The following DPYD variants were observed in gnomAD, a reference collection of about 807,000 sequenced individuals.
The protein encoded by DPYD is dihydropyrimidine dehydrogenase [NADP(+)].
DPYD carries 109 observed loss-of-function variants against 116.2 expected under a neutral mutation model. That is an observed-to-expected ratio of 0.94 (90% CI 0.80 to 1.10). The LOEUF is 1.10. Ranked by LOEUF, DPYD falls within the 50% of genes least tolerant of loss-of-function variation. DPYD has a pLI of 0.00. For synonymous variants in DPYD, 440 were observed against 432.0 expected, an observed-to-expected ratio of 1.02 and a Z score of -0.23; for missense variants, 1,302 against 1,254.5, an observed-to-expected ratio of 1.04 and a Z score of -0.57.
chr1:97,814,921 A>AAAAGAG (rs1557982371), intron 3 of DPYD, among the ~76,000 whole-genome samples: 4 of 19,704 alleles, frequency 2.0e-4, no homozygotes, highest in African/African-American at 3.7e-4. Flanking sequence ...AAAAAAAAAA[A>AAAAGAG]GAAAGAGAGA....
chr1:97,106,511 C>T (rs1651156255), intron 20 of DPYD, among the ~76,000 whole-genome samples: 1 of 152,148 alleles, frequency 6.6e-6, no homozygotes, highest in Non-Finnish European at 1.5e-5. Flanking sequence ...GGAGTGAGAG[C>T]TAGGACATCC....
At chr1:97,788,159 C>A (rs527883889) in intron 3 of DPYD, among the ~76,000 whole-genome samples, 2 of 152,248 alleles carry the variant, frequency 1.3e-5, no homozygotes, top group South Asian at 4.1e-4. Context: ...AGAAACAAAG[C>A]TACAGAGGAG....
chr1:97,793,468 G>C (rs1333750430), intron 3 of DPYD, among the ~76,000 whole-genome samples: 1 of 152,102 alleles, frequency 6.6e-6, no homozygotes, highest in East Asian at 1.9e-4. Flanking sequence ...AAGACTAACT[G>C]TGAAGACAAT....
intron 18 of DPYD, among the ~76,000 whole-genome samples, chr1:97,236,542 T>C (rs1466999545): frequency 6.6e-6 from 1 of 151,946 alleles, no homozygotes; most frequent in African/African-American, 2.4e-5. Flanking sequence ...AAAATATCAG[T>C]GGTAGTAAGG....
At chr1:97,142,986 A>G (rs1309631767) in intron 20 of DPYD, among the ~76,000 whole-genome samples, 2 of 152,104 alleles carry the variant, frequency 1.3e-5, no homozygotes, top group African/African-American at 4.8e-5. Context: ...AGAAAAAGAA[A>G]GAAAAATTAC....
intron 4 of DPYD, among the ~76,000 whole-genome samples, chr1:97,727,554 G>C (rs1468844024): frequency 1.3e-5 from 2 of 151,686 alleles, no homozygotes; most frequent in Non-Finnish European, 3.0e-5. Context: ...GCCCAAGAGA[G>C]GTTACACAAT....
chr1:97,802,800 A>T (rs1254615012), intron 3 of DPYD, among the ~76,000 whole-genome samples: 1 of 151,852 alleles, frequency 6.6e-6, no homozygotes, highest in East Asian at 1.9e-4. Context: ...ATAGTCCAAG[A>T]TGTTGTCCTG....
chr1:97,566,527 T>C (rs1404127389), intron 11 of DPYD, among the ~76,000 whole-genome samples: 1 of 152,166 alleles, frequency 6.6e-6, no homozygotes, highest in Non-Finnish European at 1.5e-5. Context: ...AGTCCCTTCC[T>C]CTAATGTTTT....
intron 3 of DPYD, among the ~76,000 whole-genome samples, chr1:97,744,702 C>A (rs1034770266): frequency 2.6e-5 from 4 of 151,936 alleles, no homozygotes; most frequent in Non-Finnish European, 5.9e-5. Flanking sequence ...GAAAGTCTAC[C>A]TAATTTACAT....
At chr1:97,411,941 C>T (rs2101669352) in intron 14 of DPYD, among the ~76,000 whole-genome samples, 1 of 152,138 alleles carries the variant, frequency 6.6e-6, no homozygotes, top group South Asian at 2.1e-4. Flanking sequence ...TAAGGATATT[C>T]AAAAGGCAAT....
At chr1:97,634,162 T>C (rs114479539) in intron 8 of DPYD, among the ~76,000 whole-genome samples, 2,001 of 152,054 alleles carry the variant, frequency 0.013, 21 homozygotes, top group Middle Eastern at 0.024. Flanking sequence ...AACCACTAAA[T>C]AGGAAGGACA....
At chr1:97,173,312 G>GCACACATATATA (rs1656940050) in intron 20 of DPYD, among the ~76,000 whole-genome samples, 1 of 147,420 alleles carries the variant, frequency 6.8e-6, no homozygotes, top group South Asian at 2.1e-4. Flanking sequence ...ACATATATAT[G>GCACACATATATA]CACACATATA....
intron 19 of DPYD, among the ~76,000 whole-genome samples, chr1:97,220,676 T>A (rs1382740554): frequency 6.6e-6 from 1 of 152,194 alleles, no homozygotes; most frequent in Non-Finnish European, 1.5e-5. Flanking sequence ...GTAACTAAGA[T>A]AAACTTTTTA....
intron 8 of DPYD, among the ~76,000 whole-genome samples, chr1:97,607,508 T>C (rs975180651): frequency 6.6e-6 from 1 of 151,690 alleles, no homozygotes; most frequent in Non-Finnish European, 1.5e-5. Flanking sequence ...ATTTGAAAAT[T>C]GTTAGCAAAA....
At chr1:97,833,695 G>A (rs1168522331) in intron 2 of DPYD, among the ~76,000 whole-genome samples, 2 of 152,004 alleles carry the variant, frequency 1.3e-5, no homozygotes, top group Non-Finnish European at 2.9e-5. Context: ...TTTCAATAAA[G>A]GTGGAAAAAG....
At chr1:97,683,583 G>A (rs770770568) in intron 7 of DPYD, among the ~76,000 whole-genome samples, 9 of 151,696 alleles carry the variant, frequency 5.9e-5, no homozygotes, top group Admixed American at 1.3e-4. Flanking sequence ...GAAAAATTAG[G>A]ATATAAAGAC....
chr1:97,790,003 A>C (rs976363981), intron 3 of DPYD, among the ~76,000 whole-genome samples: 2 of 152,148 alleles, frequency 1.3e-5, no homozygotes, highest in African/African-American at 4.8e-5. Flanking sequence ...ACAGAGAAAA[A>C]CCGCAAAGCA....
intron 21 of DPYD, among the ~76,000 whole-genome samples, chr1:97,087,378 C>A (rs985132943): frequency 5.9e-5 from 9 of 152,166 alleles, no homozygotes; most frequent in African/African-American, 1.7e-4. Flanking sequence ...TTAAATTTGG[C>A]AGAACTCTAA....
chr1:97,148,249 T>TG (rs1553223164), intron 20 of DPYD, among the ~76,000 whole-genome samples: 3 of 123,674 alleles, frequency 2.4e-5, no homozygotes, highest in African/African-American at 7.5e-5. Context: ...TGTGTGTGTG[T>TG]GTGTGGGGGG....
Sources: gnomAD v4.1 joint callset for allele counts (sites outside exome capture counted in the v4.1 genomes callset) on GRCh38, gnomAD v4.1.1 for gene constraint, MANE v1.5 for transcripts, NCBI Gene and HGNC (gene_info 2026-07-23, HGNC 2026-07-21) for gene names.